The following TFEC variants were observed in gnomAD, a reference collection of about 807,000 sequenced individuals.
The protein encoded by TFEC is transcription factor EC, also known as class E basic helix-loop-helix protein 34.
Under a neutral mutation model 41.6 loss-of-function variants are expected in TFEC, and 31 were observed. That is an observed-to-expected ratio of 0.74 (90% CI 0.56 to 1.01). The LOEUF is 1.01. TFEC is among the 50% of genes least tolerant of loss of function. The pLI, the probability that TFEC is intolerant of heterozygous loss-of-function variation, is 0.00. For missense variants in TFEC, 402 were observed against 404.1 expected (o/e 0.99, Z 0.04); for synonymous variants, 143 against 140.6 (o/e 1.02, Z -0.12).
At chr7:116,007,727 A>G (rs1289571123) in intron 1 of TFEC, among the ~76,000 whole-genome samples, 2 of 152,214 alleles carry the variant, frequency 1.3e-5, no homozygotes, top group African/African-American at 4.8e-5. Flanking sequence ...AAAATTGTGA[A>G]GGATGCCATC....
Position 116,004,552 on chromosome 7 carries a change from A to G in TFEC, c.-72-20039T>C, listed in dbSNP as rs564161221. Among the ~76,000 whole-genome samples, 3 of 152,332 alleles carry G rather than the reference A, an allele frequency of 2.0e-5. No homozygotes were observed. In the East Asian group the frequency reaches 5.8e-4, roughly 29 times the overall value. On this transcript the variant is annotated intron_variant, in intron 1 of 7. Coordinates refer to ENST00000265440, the MANE Select transcript of TFEC (RefSeq NM_012252.4). ...AGAGAAGGGTAGGCATGTGTCAGGC[A>G]GGGTATATGTGGAAAATCTCAGTAC...
At chr7:116,119,715 A>G (rs1391147693) in intron 1 of TFEC, among the ~76,000 whole-genome samples, 1 of 151,840 alleles carries the variant, frequency 6.6e-6, no homozygotes, top group Non-Finnish European at 1.5e-5. Context: ...CTAGAGGGTA[A>G]TTACATTTTA....
upstream of TFEC, among the ~76,000 whole-genome samples, chr7:116,031,069 T>A (rs1164564843): frequency 1.3e-5 from 2 of 152,162 alleles, no homozygotes; most frequent in Non-Finnish European, 2.9e-5. Flanking sequence ...CATAATGGAC[T>A]GAGATCCTAC....
Position 116,132,877 on chromosome 7 carries a change from A to G in TFEC, c.-68-20839T>C, listed in dbSNP as rs140736174. ...ATTTTGTTGTGAATGTTTACAGTGA[A>G]TATTTTAATTAATATGCATATAAAA... On this transcript the variant is annotated intron_variant, in intron 1 of 8. Transcript: ENST00000484212. Among the ~76,000 whole-genome samples the G allele has an allele frequency of 4.6e-5, 7 of 152,300 alleles. No homozygotes were observed. In the East Asian group the frequency reaches 1.4e-3, roughly 29 times the overall value.
chr7:116,022,924 G>C (rs948359212), intron 1 of TFEC, among the ~76,000 whole-genome samples: 1 of 152,102 alleles, frequency 6.6e-6, no homozygotes, highest in African/African-American at 2.4e-5. Context: ...TGAAGATACT[G>C]AGTTTCAATC....
intron 1 of TFEC, among the ~76,000 whole-genome samples, chr7:115,998,803 CCCAAAACTGGAGCAT>C (rs1794470141): frequency 1.3e-5 from 2 of 151,726 alleles, no homozygotes; most frequent in South Asian, 4.2e-4. Flanking sequence ...ATATATGTGC[CCCAAAACTGGAGCAT>C]CCAGATATAT....
At chr7:116,111,278 C>G (rs568034769) in intron 2 of TFEC, among the ~76,000 whole-genome samples, 2 of 151,938 alleles carry the variant, frequency 1.3e-5, no homozygotes, top group Admixed American at 1.3e-4. Context: ...AAGGTGACTG[C>G]TGGGTTAATA....
chr7:116,125,597 T>A (rs1327820382), intron 1 of TFEC, among the ~76,000 whole-genome samples: 2 of 152,200 alleles, frequency 1.3e-5, no homozygotes, highest in African/African-American at 4.8e-5. Flanking sequence ...GTTGGCGGAA[T>A]GTATGGTAGT....
At position 115,981,459 on chromosome 7, in the gene TFEC, G is replaced by C. The variant is rs150221585; in HGVS notation, c.180+2803C>G. On this transcript the variant is annotated intron_variant, in intron 2 of 7. Coordinates refer to ENST00000265440, the MANE Select transcript of TFEC (RefSeq NM_012252.4). ...TAACAGCAAGTAGAGAAATATTATT[G>C]AAATAAGGGTACTCATTATTAACTT... Among the ~76,000 whole-genome samples, 1,324 of 152,066 alleles carry C rather than the reference G, an allele frequency of 8.7e-3. 12 individuals are homozygous for C. Among genetic ancestry groups the C allele is most frequent in the Middle Eastern group, 0.027 (8 of 294 alleles).
At position 116,029,146 on chromosome 7, in the gene TFEC, C is replaced by T. The variant is rs946925893; in HGVS notation, c.-73+1487G>A. ...ACAAAATGTACTACATTGAACTATT[C>T]TACTGTTTTGGAATAAAATTGAAAA... On this transcript the variant is annotated intron_variant, in intron 1 of 7. Coordinates refer to ENST00000265440, the MANE Select transcript of TFEC (RefSeq NM_012252.4). 2.6e-5 allele frequency among the ~76,000 whole-genome samples: 4 copies of T among 151,732 alleles called. No individual in the cohort carries two copies. In the South Asian group the frequency reaches 8.3e-4, roughly 32 times the overall value.
At chr7:116,019,589 C>G (rs1167600779) in intron 1 of TFEC, among the ~76,000 whole-genome samples, 1 of 152,040 alleles carries the variant, frequency 6.6e-6, no homozygotes, top group Non-Finnish European at 1.5e-5. Context: ...TAATTTTCAC[C>G]ACTGGTGACA....
At chr7:116,135,151 A>C (rs1798410314) in intron 1 of TFEC, among the ~76,000 whole-genome samples, 1 of 152,132 alleles carries the variant, frequency 6.6e-6, no homozygotes. Context: ...GCCACCGTGT[A>C]CCATTTCACC....
chr7:116,016,739 A>G (rs1795206565), intron 1 of TFEC, among the ~76,000 whole-genome samples: 1 of 151,846 alleles, frequency 6.6e-6, no homozygotes, highest in Non-Finnish European at 1.5e-5. Flanking sequence ...TACAGTATAT[A>G]ATATTCTATA....
intron 3 of TFEC, among the ~76,000 whole-genome samples, chr7:116,058,921 G>A (rs776777800): frequency 1.3e-5 from 2 of 151,642 alleles, no homozygotes; most frequent in Non-Finnish European, 3.0e-5. Flanking sequence ...AGTACTAAAT[G>A]CCTGTATTTA....
chr7:115,974,009 T>C (rs1057187103), intron 3 of TFEC, among the ~76,000 whole-genome samples, 161 bp downstream of exon 3: 1 of 152,018 alleles, frequency 6.6e-6, no homozygotes, highest in East Asian at 1.9e-4. Flanking sequence ...AACCATTAGA[T>C]AACCTTTTTT....
intron 3 of TFEC, among the ~76,000 whole-genome samples, chr7:116,058,896 G>A (rs1259639378): frequency 6.6e-6 from 1 of 151,714 alleles, no homozygotes; most frequent in Non-Finnish European, 1.5e-5. Flanking sequence ...AAGCAATATT[G>A]AGGGACGAAT....
chr7:116,159,498 C>CA (rs1562991070), intron 1 of TFEC, among the ~76,000 whole-genome samples: 1 of 151,894 alleles, frequency 6.6e-6, no homozygotes, highest in African/African-American at 2.4e-5. Flanking sequence ...TTGCACAGTC[C>CA]AAAAAGAGTA....
chr7:115,939,769 T>A lies in TFEC; in HGVS notation c.*782A>T, dbSNP rs761254704. On this transcript the variant is annotated 3_prime_UTR_variant, in exon 8 of 8. Coordinates refer to ENST00000265440, the MANE Select transcript of TFEC (RefSeq NM_012252.4). ...ACATATACTACCTGAATGATGTGCA[T>A]ATGTGTATGTGTATGTTTGTGTGAA... 1.3e-5 allele frequency: 2 copies of A among 152,056 alleles called. No individual in the cohort carries two copies. The highest frequency in any genetic ancestry group is 2.9e-5 in the Non-Finnish European group (2 of 67,988). The allele number at this position is 152,056 out of a possible 1,614,324, so 9.4% of individuals were successfully genotyped here.
intron 1 of TFEC, among the ~76,000 whole-genome samples, chr7:116,026,331 T>C (rs1795583303): frequency 6.6e-6 from 1 of 152,196 alleles, no homozygotes; most frequent in African/African-American, 2.4e-5. Flanking sequence ...TCACCCATCT[T>C]CTCTTTGAAC....
Sources: allele counts gnomAD v4.1 joint callset (sites outside exome capture counted in the v4.1 genomes callset), GRCh38; gene constraint gnomAD v4.1.1; transcripts MANE v1.5; gene names NCBI Gene and HGNC (gene_info 2026-07-23, HGNC 2026-07-21).